GRIK2: variants seen among roughly 807,000 people sequenced by gnomAD.
The protein encoded by GRIK2 is glutamate ionotropic receptor kainate type subunit 2, also known as glutamate receptor ionotropic, kainate 2.
GRIK2 carries 32 observed loss-of-function variants against 100.3 expected under a neutral mutation model. The observed-to-expected ratio is 0.32, with a 90% CI of 0.24 to 0.43. GRIK2 has a LOEUF of 0.43. Ranked by LOEUF, GRIK2 falls within the 20% of genes least tolerant of loss-of-function variation. The pLI, the probability that GRIK2 is intolerant of heterozygous loss-of-function variation, is 1.00. For missense variants in GRIK2, 843 were observed against 1,114.9 expected, an observed-to-expected ratio of 0.76 and a Z score of 3.47; for synonymous variants, 417 against 389.4, an observed-to-expected ratio of 1.07 and a Z score of -0.83.
chr6:101,937,494 GA>G (rs1406189669), intron 14 of GRIK2, among the ~76,000 whole-genome samples: 1 of 152,064 alleles, frequency 6.6e-6, no homozygotes, highest in African/African-American at 2.4e-5. Context: ...CATTCTGAAG[GA>G]AATTCAAGAA....
chr6:101,399,893 C>T (rs943467425), intron 2 of GRIK2, among the ~76,000 whole-genome samples: 1 of 152,214 alleles, frequency 6.6e-6, no homozygotes, highest in African/African-American at 2.4e-5. Context: ...CTTTTGATTT[C>T]TTTTTCCAGA....
chr6:101,493,312 A>G (rs9404111), intron 2 of GRIK2, among the ~76,000 whole-genome samples: 35,667 of 151,752 alleles, frequency 0.24, 5,067 homozygotes, highest in East Asian at 0.48. Flanking sequence ...ACACATTACA[A>G]TGAAACTGCA....
intron 12 of GRIK2, among the ~76,000 whole-genome samples, chr6:101,898,600 G>A (rs1441267401): frequency 1.3e-5 from 2 of 151,770 alleles, no homozygotes; most frequent in Non-Finnish European, 2.9e-5. Context: ...GCAACCAAAT[G>A]TGTAGATTTG....
chr6:101,734,649 G>C (rs1335708337), intron 7 of GRIK2, among the ~76,000 whole-genome samples: 4 of 152,158 alleles, frequency 2.6e-5, no homozygotes, highest in Non-Finnish European at 5.9e-5. Context: ...GACCTTGGGT[G>C]GGGGGAATTA....
At chr6:102,054,634 C>T (rs1309028449) in intron 15 of GRIK2, among the ~76,000 whole-genome samples, 1 of 151,836 alleles carries the variant, frequency 6.6e-6, no homozygotes, top group Non-Finnish European at 1.5e-5. Context: ...TTGTTGCCTC[C>T]ACTGGAAAAA....
At chr6:101,952,778 A>G (rs1418814989) in intron 14 of GRIK2, among the ~76,000 whole-genome samples, 3 of 151,942 alleles carry the variant, frequency 2.0e-5, no homozygotes, top group Admixed American at 2.0e-4. Context: ...AATTTTTTGT[A>G]TTTTTAGTAG....
At chr6:101,838,931 G>A (rs2791820) in intron 10 of GRIK2, among the ~76,000 whole-genome samples, 16,599 of 151,888 alleles carry the variant, frequency 0.11, 1,933 homozygotes, top group East Asian at 0.66. Flanking sequence ...GGGATTACAG[G>A]CTTGAGCCAC....
chr6:101,561,577 C>A (rs1242216391), intron 2 of GRIK2, among the ~76,000 whole-genome samples: 1 of 151,964 alleles, frequency 6.6e-6, no homozygotes, highest in Non-Finnish European at 1.5e-5. Context: ...GGTCATTACA[C>A]ATTGTGTATG....
intron 9 of GRIK2, among the ~76,000 whole-genome samples, chr6:101,813,470 AT>A (rs1354658434): frequency 6.6e-6 from 1 of 152,208 alleles, no homozygotes; most frequent in Non-Finnish European, 1.5e-5. Flanking sequence ...AAGTACAATG[AT>A]AAGTGAAAAG....
intron 7 of GRIK2, among the ~76,000 whole-genome samples, chr6:101,766,439 TA>T (rs1243325493): frequency 1.3e-5 from 2 of 152,194 alleles, no homozygotes; most frequent in Non-Finnish European, 2.9e-5. Context: ...ATGTTTGATA[TA>T]AATGAGCACC....
At chr6:102,019,469 T>C (rs1769310262) in intron 14 of GRIK2, among the ~76,000 whole-genome samples, 1 of 152,044 alleles carries the variant, frequency 6.6e-6, no homozygotes, top group African/African-American at 2.4e-5. Flanking sequence ...ACATTCTTAC[T>C]CAGATGCTCA....
At chr6:101,643,409 A>G (rs1269673667) in intron 4 of GRIK2, among the ~76,000 whole-genome samples, 1 of 151,490 alleles carries the variant, frequency 6.6e-6, no homozygotes, top group Admixed American at 6.6e-5. Flanking sequence ...CTTGAAGAGT[A>G]AGAGTCCAAC....
intron 2 of GRIK2, among the ~76,000 whole-genome samples, chr6:101,414,940 TTGTGTG>T (rs3057496): frequency 0.27 from 40,879 of 149,764 alleles, 5,691 homozygotes; most frequent in African/African-American, 0.38. Flanking sequence ...AGTTTTAAAC[TTGTGTG>T]TGTGTGTGTG....
At chr6:101,825,924 G>A (rs1782294601) in intron 10 of GRIK2, among the ~76,000 whole-genome samples, 1 of 152,006 alleles carries the variant, frequency 6.6e-6, no homozygotes, top group African/African-American at 2.4e-5. Context: ...ATGTAAATTT[G>A]CAATTACTTA....
rs73761397 is a variant in GRIK2 at position 101,683,680 on chromosome 6, G to A, written c.777+1074G>A. ...ATTTAGAGCCTCAGTTAACATCTTC[G>A]TTCGAATGAGGTCTAAATGTTCTAT... On this transcript the variant is annotated intron_variant, in intron 6 of 16. Transcript: ENST00000369134. Among the ~76,000 whole-genome samples the A allele has an allele frequency of 6.5e-3, 994 of 152,090 alleles. 9 individuals carry two copies. The highest frequency in any genetic ancestry group is 0.022 in the African/African-American group (919 of 41,484).
intron 7 of GRIK2, among the ~76,000 whole-genome samples, chr6:101,777,942 G>A (rs7775876): frequency 0.24 from 36,780 of 152,024 alleles, 5,933 homozygotes; most frequent in East Asian, 0.69. Flanking sequence ...TACCTCTGGG[G>A]GGTAATACAT....
intron 7 of GRIK2, among the ~76,000 whole-genome samples, chr6:101,705,665 T>C (rs1237549836): frequency 1.3e-5 from 2 of 151,802 alleles, no homozygotes; most frequent in African/African-American, 2.4e-5. Context: ...ATTAAAATAG[T>C]GACGGTTACT....
chr6:101,501,420 C>T (rs1179397335), intron 2 of GRIK2, among the ~76,000 whole-genome samples: 2 of 152,022 alleles, frequency 1.3e-5, no homozygotes, highest in Non-Finnish European at 2.9e-5. Context: ...ATTTTTTTGT[C>T]AAATTACTTA....
At chr6:102,022,141 CAT>C (rs1261169427) in intron 14 of GRIK2, among the ~76,000 whole-genome samples, 2 of 85,788 alleles carry the variant, frequency 2.3e-5, no homozygotes, top group African/African-American at 1.7e-4. Flanking sequence ...ATAACACACA[CAT>C]ACACACACAC....
Sources: allele counts gnomAD v4.1 joint callset (sites outside exome capture counted in the v4.1 genomes callset), GRCh38; gene constraint gnomAD v4.1.1; transcripts MANE v1.5; gene names NCBI Gene and HGNC (gene_info 2026-07-23, HGNC 2026-07-21).